The following WWOX variants were observed in gnomAD, a reference collection of about 807,000 sequenced individuals.
WWOX encodes the protein WW domain-containing oxidoreductase.
WWOX carries 69 observed loss-of-function variants against 46.2 expected under a neutral mutation model. That is an observed-to-expected ratio of 1.49 (90% CI 1.23 to 1.82). The LOEUF is 1.82. WWOX is among the 40% of genes most tolerant of loss of function. The pLI is 0.00. For synonymous variants in WWOX, 359 were observed against 202.6 expected (o/e 1.77, Z -6.56); for missense variants, 919 against 542.6 (o/e 1.69, Z -6.89).
At chr16:78,527,895 A>G (rs1206981145) in intron 8 of WWOX, among the ~76,000 whole-genome samples, 1 of 151,504 alleles carries the variant, frequency 6.6e-6, no homozygotes, top group Non-Finnish European at 1.5e-5. Flanking sequence ...GCAAAGGACC[A>G]TGCCCACCAC....
At chr16:78,747,321 T>A (rs950042313) in intron 8 of WWOX, among the ~76,000 whole-genome samples, 14 of 152,038 alleles carry the variant, frequency 9.2e-5, no homozygotes, top group African/African-American at 3.4e-4. Context: ...CCTCCCAAAT[T>A]GCTGAGAGTA....
intron 8 of WWOX, among the ~76,000 whole-genome samples, chr16:78,853,084 G>C (rs1433489842): frequency 2.0e-5 from 3 of 152,048 alleles, no homozygotes; most frequent in African/African-American, 7.2e-5. Flanking sequence ...GGTTAGTGTG[G>C]GAGTTTAATG....
At chr16:78,893,212 A>G (rs2044628846) in intron 8 of WWOX, among the ~76,000 whole-genome samples, 1 of 151,300 alleles carries the variant, frequency 6.6e-6, no homozygotes, top group African/African-American at 2.4e-5. Context: ...AAAAGTGGGG[A>G]TGCCCCTCTT....
intron 5 of WWOX, among the ~76,000 whole-genome samples, chr16:78,360,779 G>C (rs962939658): frequency 6.6e-6 from 1 of 151,840 alleles, no homozygotes; most frequent in South Asian, 2.1e-4. Flanking sequence ...ATCTAGTCCA[G>C]GATGCCACAT....
intron 8 of WWOX, among the ~76,000 whole-genome samples, chr16:78,434,576 C>T (rs2083295313): frequency 6.6e-6 from 1 of 152,190 alleles, no homozygotes. Context: ...TCCGCTTTAA[C>T]AAGCCCAGTC....
intron 8 of WWOX, among the ~76,000 whole-genome samples, chr16:78,966,507 CTGTAGTT>C (rs1365857864): frequency 6.6e-6 from 1 of 151,756 alleles, no homozygotes; most frequent in Non-Finnish European, 1.5e-5. Flanking sequence ...GTGGCTATGA[CTGTAGTT>C]TTTTTTTTAA....
intron 8 of WWOX, among the ~76,000 whole-genome samples, chr16:78,641,698 C>T (rs1204095942): frequency 1.3e-5 from 2 of 152,140 alleles, no homozygotes; most frequent in Non-Finnish European, 2.9e-5. Context: ...CCGGGAATGC[C>T]TAGGTTTATG....
In WWOX at chr16:79,211,883, C is replaced by A; in HGVS notation, c.*87C>A. 6.3e-7 allele frequency: 1 copy of A among 1,583,342 alleles called. No homozygotes were observed. The highest frequency in any genetic ancestry group is 8.6e-7 in the Non-Finnish European group (1 of 1,167,106). ...CAGGGCTGGGCCCCTTCCAAATGTC[C>A]CTCCAACACAGATCCGCAAGAGTAA... is the stretch of plus-strand genomic sequence containing the variant. On this transcript the variant is annotated 3_prime_UTR_variant, in exon 9 of 9. Coordinates refer to ENST00000566780, the MANE Select transcript of WWOX (RefSeq NM_016373.4).
At chr16:78,950,956 G>C (rs758367123) in intron 8 of WWOX, among the ~76,000 whole-genome samples, 1 of 152,160 alleles carries the variant, frequency 6.6e-6, no homozygotes, top group Non-Finnish European at 1.5e-5. Flanking sequence ...TAAACATCCG[G>C]TTCTTTCCAG....
intron 8 of WWOX, among the ~76,000 whole-genome samples, chr16:79,075,023 A>G (rs2048628320): frequency 6.6e-6 from 1 of 152,226 alleles, no homozygotes. Context: ...GTGACCCCAA[A>G]GACCCCAGAG....
At chr16:78,742,684 G>C (rs1355829089) in intron 8 of WWOX, among the ~76,000 whole-genome samples, 4 of 152,186 alleles carry the variant, frequency 2.6e-5, no homozygotes, top group Non-Finnish European at 5.9e-5. Context: ...GAGTCAGAGC[G>C]TTCTGCCCTG....
chr16:78,619,775 G>A (rs1171408862), intron 8 of WWOX, among the ~76,000 whole-genome samples: 1 of 151,982 alleles, frequency 6.6e-6, no homozygotes, highest in Non-Finnish European at 1.5e-5. Context: ...GAGACATGGG[G>A]GTGCATGTCT....
chr16:79,204,195 A>AG (rs1438128127), intron 8 of WWOX: 1 of 152,174 alleles, frequency 6.6e-6, no homozygotes, highest in Non-Finnish European at 1.5e-5. Context: ...TGAGCAATGT[A>AG]GGTATCCCAG....
intron 8 of WWOX, among the ~76,000 whole-genome samples, chr16:78,794,687 G>T (rs574787873): frequency 6.6e-6 from 1 of 152,350 alleles, no homozygotes; most frequent in South Asian, 2.1e-4. Context: ...TCCTGCAGCT[G>T]TTATCTTTGT....
At chr16:78,729,100 T>C (rs920187222) in intron 8 of WWOX, among the ~76,000 whole-genome samples, 2 of 152,134 alleles carry the variant, frequency 1.3e-5, no homozygotes, top group Non-Finnish European at 2.9e-5. Flanking sequence ...CCCAGCACTT[T>C]GGGAGGCTGA....
At chr16:78,618,560 A>G (rs924220920) in intron 8 of WWOX, among the ~76,000 whole-genome samples, 3 of 152,124 alleles carry the variant, frequency 2.0e-5, no homozygotes, top group Non-Finnish European at 2.9e-5. Context: ...GTCTCTTAAA[A>G]GGCTCTGTCT....
chr16:78,486,384 G>A (rs1485037500), intron 8 of WWOX, among the ~76,000 whole-genome samples: 1 of 152,166 alleles, frequency 6.6e-6, no homozygotes, highest in African/African-American at 2.4e-5. Context: ...TGAGCTTTGA[G>A]TATGTTTTAC....
At chr16:78,679,481 G>A (rs2047679746) in intron 8 of WWOX, among the ~76,000 whole-genome samples, 1 of 152,128 alleles carries the variant, frequency 6.6e-6, no homozygotes. Context: ...ATCCCGGGGG[G>A]CAGAGGTTGC....
intron 8 of WWOX, among the ~76,000 whole-genome samples, chr16:79,083,929 T>G (rs1299318344): frequency 6.6e-6 from 1 of 152,170 alleles, no homozygotes; most frequent in Non-Finnish European, 1.5e-5. Flanking sequence ...TTTTATGAGG[T>G]CGTGCTTTGC....
Sources: allele counts gnomAD v4.1 joint callset (sites outside exome capture counted in the v4.1 genomes callset), GRCh38; gene constraint gnomAD v4.1.1; transcripts MANE v1.5; gene names NCBI Gene and HGNC (gene_info 2026-07-23, HGNC 2026-07-21).